The following PHTF2 variants were observed in gnomAD, a reference collection of about 807,000 sequenced individuals.
PHTF2 encodes the protein protein PHTF2.
A neutral mutation model predicts 101.2 loss-of-function variants in PHTF2; 60 were observed. The ratio of observed to expected loss-of-function variants is 0.59; its 90% CI spans 0.48 to 0.73. PHTF2 has a LOEUF of 0.73. PHTF2 is among the 30% of genes least tolerant of loss of function. The pLI, the probability that PHTF2 is intolerant of heterozygous loss-of-function variation, is 0.00. For missense variants in PHTF2, 747 were observed against 908.7 expected (o/e 0.82, Z 2.29); for synonymous variants, 311 against 307.3 (o/e 1.01, Z -0.13).
intron 12 of PHTF2, among the ~76,000 whole-genome samples, chr7:77,934,087 A>C (rs1312825425): frequency 6.6e-6 from 1 of 152,198 alleles, no homozygotes; most frequent in Non-Finnish European, 1.5e-5. Context: ...AAGTAATGGA[A>C]ATTAGCTCCC....
At chr7:77,878,893 G>T (rs527717639) in intron 3 of PHTF2, among the ~76,000 whole-genome samples, 43 of 152,230 alleles carry the variant, frequency 2.8e-4, no homozygotes, top group South Asian at 8.3e-4. Flanking sequence ...GTTATTGAGG[G>T]ACCCCTGAAG....
At chr7:77,868,612 A>G (rs1358032810) in intron 3 of PHTF2, among the ~76,000 whole-genome samples, 1 of 152,226 alleles carries the variant, frequency 6.6e-6, no homozygotes, top group African/African-American at 2.4e-5. Context: ...ATTCTCATCT[A>G]AACAAGTAAT....
chr7:77,941,668 A>G (rs117629540), intron 15 of PHTF2, among the ~76,000 whole-genome samples: 1,859 of 152,184 alleles, frequency 0.012, 16 homozygotes, highest in Middle Eastern at 0.031. Context: ...TCTGCTCCCA[A>G]AATATATCTT....
At position 77,924,023 on chromosome 7, in the gene PHTF2, C is replaced by G. The variant is rs1803725156; in HGVS notation, c.1119+1245C>G. ...GAAATTACATAAATATAAAATATGGCTATAAAATTCTTCGTCTATAAAGTG... is the reference window on the plus strand; with the variant it reads ...GAAATTACATAAATATAAAATATGGGTATAAAATTCTTCGTCTATAAAGTG... On this transcript the variant is annotated intron_variant, in intron 11 of 19. Coordinates refer to ENST00000416283, the Ensembl canonical transcript of PHTF2. 1.0e-5 allele frequency: 9 copies of G among 898,834 alleles called. No individual in the cohort carries two copies. In the South Asian group the frequency reaches 4.6e-4, roughly 46 times the overall value. 55.7% of individuals were successfully genotyped at this position (898,834 alleles called of 1,614,324 possible). A position where few individuals can be genotyped will look rare whatever the true frequency, so the allele number is the denominator to read the frequency against.
At chr7:77,949,870 CTA>C in intron 17 of PHTF2, 37 bp downstream of exon 16, 1 of 1,085,192 alleles carries the variant, frequency 9.2e-7, no homozygotes, top group Non-Finnish European at 1.3e-6. Context: ...AAATTAATGT[CTA>C]TAAGTTAAAA....
chr7:77,890,045 A>G (rs1313395775), intron 3 of PHTF2, among the ~76,000 whole-genome samples: 1 of 141,166 alleles, frequency 7.1e-6, no homozygotes, highest in African/African-American at 2.7e-5. Flanking sequence ...ACCATGAGAC[A>G]TTCTATTAAC....
chr7:77,801,579 C>T (rs1792557740), intron 1 of PHTF2, among the ~76,000 whole-genome samples: 1 of 151,960 alleles, frequency 6.6e-6, no homozygotes, highest in African/African-American at 2.4e-5. Context: ...AGCAAGACAC[C>T]GTCTCAAAAA....
chr7:77,846,513 G>A (rs1796292582), intron 2 of PHTF2, among the ~76,000 whole-genome samples: 1 of 151,554 alleles, frequency 6.6e-6, no homozygotes, highest in South Asian at 2.1e-4. Context: ...TGGTGGGTGA[G>A]GCACTGTTGC....
intron 12 of PHTF2, among the ~76,000 whole-genome samples, chr7:77,935,700 C>T (rs963855593): frequency 6.6e-6 from 1 of 152,168 alleles, no homozygotes; most frequent in Non-Finnish European, 1.5e-5. Flanking sequence ...ATTTCTGTCT[C>T]TAGATGGGCT....
intron 3 of PHTF2, among the ~76,000 whole-genome samples, chr7:77,861,917 T>C (rs7802691): frequency 0.59 from 89,644 of 151,958 alleles, 28,607 homozygotes; most frequent in African/African-American, 0.85. Flanking sequence ...ATTAGCTGGG[T>C]GTGGTAGCGC....
intron 13 of PHTF2, among the ~76,000 whole-genome samples, chr7:77,939,409 C>T (rs1037414258): frequency 2.6e-5 from 4 of 151,750 alleles, no homozygotes; most frequent in Non-Finnish European, 5.9e-5. Flanking sequence ...AGTTAAAGAC[C>T]AGCCTGAGCA....
At chr7:77,947,826 C>CTTTCTTTTTTTT (rs1562976127) in intron 16 of PHTF2, among the ~76,000 whole-genome samples, 6 of 86,936 alleles carry the variant, frequency 6.9e-5, no homozygotes, top group African/African-American at 2.3e-4. Context: ...TTTCTTTTTT[C>CTTTCTTTTTTTT]TTTTTTCTTT....
exon 16 of PHTF2, chr7:77,942,754 A>G (rs752758780): frequency 6.3e-7 from 1 of 1,599,292 alleles, no homozygotes; most frequent in Non-Finnish European, 8.5e-7. Context: ...TTTCTTATTG[A>G]CTATCTCAGT....
chr7:77,941,931 C>A (rs1805668278), intron 15 of PHTF2, among the ~76,000 whole-genome samples: 1 of 152,128 alleles, frequency 6.6e-6, no homozygotes, highest in African/African-American at 2.4e-5. Flanking sequence ...TTTATAATGC[C>A]CTTTATGATC....
intron 2 of PHTF2, among the ~76,000 whole-genome samples, chr7:77,841,074 A>ATTTTTTTTTTT (rs1562863302): frequency 5.8e-5 from 3 of 51,418 alleles, no homozygotes; most frequent in African/African-American, 1.8e-4. Flanking sequence ...GAAAAAACAG[A>ATTTTTTTTTTT]CTTTTTTTTT....
intron 9 of PHTF2, among the ~76,000 whole-genome samples, chr7:77,918,145 A>G (rs1803103958): frequency 6.6e-6 from 1 of 152,194 alleles, no homozygotes. Context: ...TTCTCCTTAG[A>G]AAAATGGTTA....
chr7:77,929,034 TG>T (rs1365109666), intron 11 of PHTF2, 74 bp from the exon 11 acceptor site: 1 of 1,045,334 alleles, frequency 9.6e-7, no homozygotes, highest in Admixed American at 2.2e-5. Context: ...TATCAATATA[TG>T]GGTTCTGATA....
At chr7:77,809,426 C>G (rs1330909093) in intron 1 of PHTF2, among the ~76,000 whole-genome samples, 1 of 151,848 alleles carries the variant, frequency 6.6e-6, no homozygotes, top group Non-Finnish European at 1.5e-5. Context: ...GGGGTTTCAC[C>G]ATGTTGACCA....
intron 3 of PHTF2, among the ~76,000 whole-genome samples, chr7:77,856,310 T>C (rs2150650160): frequency 6.6e-6 from 1 of 152,316 alleles, no homozygotes; most frequent in Admixed American, 6.5e-5. Flanking sequence ...ATCTGTGGAT[T>C]CAAGCAACTG....
Sources: gnomAD v4.1 joint callset for allele counts (sites outside exome capture counted in the v4.1 genomes callset) on GRCh38, gnomAD v4.1.1 for gene constraint, MANE v1.5 for transcripts, NCBI Gene and HGNC (gene_info 2026-07-23, HGNC 2026-07-21) for gene names.